Variants in IGSF10 observed in about 807,000 individuals in gnomAD.
IGSF10 encodes calvaria mechanical force protein 608.
A neutral mutation model predicts 128.2 loss-of-function variants in IGSF10; 126 were observed. The ratio of observed to expected loss-of-function variants is 0.98; its 90% CI spans 0.85 to 1.14. IGSF10 has a LOEUF of 1.14. IGSF10 is among the 50% of genes most tolerant of loss of function. The pLI is 0.00. For missense variants in IGSF10, 3,295 were observed against 3,149.8 expected (o/e 1.05, Z -1.10); for synonymous variants, 1,185 against 1,146.2 (o/e 1.03, Z -0.68).
At chr3:151,509,067 TAAG>T in the IGSF10 span, among the ~76,000 whole-genome samples, 6 of 152,284 alleles carry the variant, frequency 3.9e-5, no homozygotes, top group African/African-American at 1.4e-4. Context: ...AAGGTATCTT[TAAG>T]AAGATTCATG....
At chr3:151,570,579 G>A in the IGSF10 span, among the ~76,000 whole-genome samples, 1 of 152,120 alleles carries the variant, frequency 6.6e-6, no homozygotes, top group Non-Finnish European at 1.5e-5. Context: ...TTTTGATGGG[G>A]TTGTTTGATC....
At chr3:151,516,537 G>A in the IGSF10 span, among the ~76,000 whole-genome samples, 28 of 152,002 alleles carry the variant, frequency 1.8e-4, no homozygotes, top group Admixed American at 4.6e-4. Flanking sequence ...TTAATGGCAC[G>A]GACGTTGCCT....
chr3:151,540,004 C>G, the IGSF10 span, among the ~76,000 whole-genome samples: 2 of 152,138 alleles, frequency 1.3e-5, no homozygotes, highest in East Asian at 3.9e-4. Flanking sequence ...GTTTTTCATC[C>G]CCTTAGCTGG....
chr3:151,519,066 T>G, the IGSF10 span, among the ~76,000 whole-genome samples: 3 of 151,940 alleles, frequency 2.0e-5, no homozygotes, highest in Non-Finnish European at 4.4e-5. Flanking sequence ...TCTGATGAGA[T>G]GGGAGATCAC....
chr3:151,543,209 G>A, the IGSF10 span, among the ~76,000 whole-genome samples: 1 of 152,178 alleles, frequency 6.6e-6, no homozygotes, highest in African/African-American at 2.4e-5. Flanking sequence ...TTAGGTTCAG[G>A]GGTCTGGGTC....
the IGSF10 span, among the ~76,000 whole-genome samples, chr3:151,505,123 A>G: frequency 6.6e-6 from 1 of 152,190 alleles, no homozygotes; most frequent in South Asian, 2.1e-4. Flanking sequence ...TTACTTTATT[A>G]GTTCGTTCTC....
the IGSF10 span, among the ~76,000 whole-genome samples, chr3:151,614,300 A>T: frequency 1.3e-5 from 2 of 152,178 alleles, no homozygotes; most frequent in Non-Finnish European, 2.9e-5. Flanking sequence ...ATACCATTTG[A>T]CCCAGCCATC....
chr3:151,516,482 T>A, the IGSF10 span, among the ~76,000 whole-genome samples: 2 of 152,102 alleles, frequency 1.3e-5, no homozygotes, highest in African/African-American at 4.8e-5. Context: ...GATAAACTTA[T>A]GCCTTGACAG....
At chr3:151,597,622 A>C in the IGSF10 span, among the ~76,000 whole-genome samples, 3 of 152,218 alleles carry the variant, frequency 2.0e-5, no homozygotes, top group East Asian at 1.9e-4. Flanking sequence ...AGTCCTAAAA[A>C]CTACACAACA....
the IGSF10 span, among the ~76,000 whole-genome samples, chr3:151,508,849 A>G: frequency 1.3e-5 from 2 of 152,182 alleles, no homozygotes; most frequent in African/African-American, 4.8e-5. Context: ...GAACGTTATT[A>G]TATATGTTTC....
the IGSF10 span, among the ~76,000 whole-genome samples, chr3:151,572,015 A>G: frequency 4.5e-4 from 68 of 152,164 alleles, 1 homozygote; most frequent in South Asian, 2.1e-4. Context: ...TATGTGACGG[A>G]TTACGTTTAT....
downstream of IGSF10, chr3:151,434,159 CATATA>C (rs1252219252): frequency 6.6e-6 from 1 of 152,158 alleles, no homozygotes; most frequent in Non-Finnish European, 1.5e-5. Context: ...TATGATTTTA[CATATA>C]ATATAGTCAA....
In IGSF10 at chr3:151,438,426, A is replaced by T. The variant is rs751861050; in HGVS notation, c.6135T>A (p.Tyr2045Ter). Residue 2045 changes from tyrosine (Y) to a stop codon, truncating the protein, a stop_gained, in exon 8 of 8, where the codon TAT becomes TAA. Transcript: ENST00000282466. LOFTEE classifies it low-confidence loss of function (END_TRUNC). The part of the protein sequence containing the change: ...LKPAKIDHKQ[Y>*]FRKQVLHGKD... ...TCCCATGGAGCACTTGCTTTCTAAA[A>T]TACTGCTTGTGGTCAATTTTGGCAG... The T allele has an allele frequency of 2.5e-6, 4 of 1,614,018 alleles. No homozygotes were observed. Among genetic ancestry groups the T allele is most frequent in the Non-Finnish European group, 3.4e-6 (4 of 1,180,038 alleles).
the IGSF10 span, among the ~76,000 whole-genome samples, chr3:151,573,778 T>C: frequency 6.6e-6 from 1 of 152,220 alleles, no homozygotes; most frequent in Non-Finnish European, 1.5e-5. Flanking sequence ...ATTATGATAT[T>C]AGCTGGTTAT....
At chr3:151,507,146 A>T in the IGSF10 span, among the ~76,000 whole-genome samples, 6 of 152,268 alleles carry the variant, frequency 3.9e-5, no homozygotes, top group South Asian at 1.2e-3. Flanking sequence ...CAAGTCCAAT[A>T]TGGCCCTTTA....
the IGSF10 span, among the ~76,000 whole-genome samples, chr3:151,573,553 C>G: frequency 6.6e-6 from 1 of 152,148 alleles, no homozygotes; most frequent in Non-Finnish European, 1.5e-5. Context: ...ATTGCAACCT[C>G]TGCTTTTTTT....
At chr3:151,508,678 C>T in the IGSF10 span, among the ~76,000 whole-genome samples, 1 of 152,078 alleles carries the variant, frequency 6.6e-6, no homozygotes, top group Non-Finnish European at 1.5e-5. Context: ...CAAATTTCAG[C>T]TTTGAAATTA....
chr3:151,538,034 C>T, the IGSF10 span, among the ~76,000 whole-genome samples: 1 of 152,178 alleles, frequency 6.6e-6, no homozygotes, highest in South Asian at 2.1e-4. Context: ...ACTCACTCCT[C>T]ACTTTTCCTG....
the IGSF10 span, among the ~76,000 whole-genome samples, chr3:151,576,619 G>A: frequency 1.3e-5 from 2 of 152,172 alleles, no homozygotes; most frequent in Admixed American, 1.3e-4. Flanking sequence ...TAAAGAAGCT[G>A]GCCATAACTT....
Sources: allele counts gnomAD v4.1 joint callset (sites outside exome capture counted in the v4.1 genomes callset), GRCh38; gene constraint gnomAD v4.1.1; transcripts MANE v1.5; gene names NCBI Gene and HGNC (gene_info 2026-07-23, HGNC 2026-07-21).